The following ACVR1C variants were observed in gnomAD, a reference collection of about 807,000 sequenced individuals.
ACVR1C encodes the protein activin A receptor type 1C.
In ACVR1C, 23 loss-of-function variants were observed where a neutral mutation model predicts 57.9. That is an observed-to-expected ratio of 0.40 (90% CI 0.29 to 0.56). ACVR1C has a LOEUF of 0.56. ACVR1C is among the 20% of genes least tolerant of loss of function. The probability of loss-of-function intolerance (pLI) is 0.50; values close to 1 mark genes in which losing one functional copy is unlikely to be tolerated. For missense variants in ACVR1C, 480 were observed against 607.9 expected (o/e 0.79, Z 2.21); for synonymous variants, 214 against 215.3 (o/e 0.99, Z 0.05).
At chr2:157,616,170 C>A (rs890481208) in intron 1 of ACVR1C, among the ~76,000 whole-genome samples, 4 of 152,114 alleles carry the variant, frequency 2.6e-5, no homozygotes, top group Admixed American at 2.6e-4. Flanking sequence ...CTTGTTATTA[C>A]CCCATACCTC....
rs771081910 is a variant in ACVR1C, at chr2:157,556,288, T to G, written c.349A>C (p.Ile117Leu). 1.2e-6 allele frequency: 2 copies of G among 1,614,184 alleles called. No individual in the cohort carries two copies. The highest frequency in any genetic ancestry group is 2.7e-5 in the African/African-American group (2 of 75,036). ...PKLGPMELAI[I>L]ITVPVCLLSI... Reference sequence around the variant, plus strand: ...AGGAGGCAAACAGGCACAGTAATAATGATGGCCAGCTCCATGGGTCCAAGT... The same window carrying G: ...AGGAGGCAAACAGGCACAGTAATAAGGATGGCCAGCTCCATGGGTCCAAGT... The change falls in exon 3 of 9, where the codon ATT (isoleucine) becomes CTT (leucine). Residue 117 changes from isoleucine to leucine, a missense_variant. By Grantham distance (5) the Ile-to-Leu change is conservative (BLOSUM62 2). Transcript: ENST00000243349.
At chr2:157,566,170 T>G (rs1688369606) in intron 2 of ACVR1C, among the ~76,000 whole-genome samples, 1 of 152,216 alleles carries the variant, frequency 6.6e-6, no homozygotes, top group Non-Finnish European at 1.5e-5. Flanking sequence ...TTAGAGTTCT[T>G]TTTTTCTTAA....
intron 2 of ACVR1C, among the ~76,000 whole-genome samples, chr2:157,581,200 G>A (rs1207918878): frequency 6.6e-6 from 1 of 151,896 alleles, no homozygotes; most frequent in Non-Finnish European, 1.5e-5. Flanking sequence ...AAGACCATGA[G>A]CTCACAATAA....
intron 1 of ACVR1C, among the ~76,000 whole-genome samples, chr2:157,591,930 T>C (rs990381376): frequency 2.0e-5 from 3 of 152,058 alleles, no homozygotes; most frequent in Non-Finnish European, 4.4e-5. Flanking sequence ...CTTTCATGAC[T>C]AAGGTGCCAT....
intron 1 of ACVR1C, among the ~76,000 whole-genome samples, chr2:157,624,445 A>G (rs1405068973): frequency 6.6e-6 from 1 of 152,250 alleles, no homozygotes; most frequent in Non-Finnish European, 1.5e-5. Flanking sequence ...ATGAAAGTGT[A>G]TTCAAAAGGA....
chr2:157,551,233 C>T (rs547504023), intron 3 of ACVR1C, among the ~76,000 whole-genome samples: 9 of 152,266 alleles, frequency 5.9e-5, no homozygotes, highest in South Asian at 4.1e-4. Flanking sequence ...CACCTGTCTG[C>T]GCTTCAGCTT....
At chr2:157,626,441 TA>T (rs1391452697) in intron 1 of ACVR1C, among the ~76,000 whole-genome samples, 2 of 152,262 alleles carry the variant, frequency 1.3e-5, no homozygotes, top group African/African-American at 4.8e-5. Flanking sequence ...TGTGTTCAGA[TA>T]TTTAAAGTCG....
intron 2 of ACVR1C, among the ~76,000 whole-genome samples, chr2:157,576,132 A>C (rs938192840): frequency 1.3e-5 from 2 of 151,582 alleles, no homozygotes; most frequent in Non-Finnish European, 2.9e-5. Flanking sequence ...ATTCTGAGAA[A>C]TCCCCACATG....
intron 1 of ACVR1C, among the ~76,000 whole-genome samples, chr2:157,588,054 T>A (rs563060655): frequency 6.6e-6 from 1 of 152,042 alleles, no homozygotes; most frequent in African/African-American, 2.4e-5. Context: ...TATACTAGAA[T>A]GAATCATTTG....
chr2:157,584,464 T>C (rs1045541516), intron 2 of ACVR1C, among the ~76,000 whole-genome samples: 2 of 152,166 alleles, frequency 1.3e-5, no homozygotes, highest in African/African-American at 4.8e-5. Flanking sequence ...GATACATAAA[T>C]GATGACCAAT....
chr2:157,597,601 G>C (rs1024482451), intron 1 of ACVR1C: 2 of 982,310 alleles, frequency 2.0e-6, no homozygotes, highest in African/African-American at 1.7e-5. Flanking sequence ...GCGCACCCGG[G>C]TACCATCTAG....
At chr2:157,570,419 A>G (rs1192749978) in intron 2 of ACVR1C, among the ~76,000 whole-genome samples, 1 of 79,506 alleles carries the variant, frequency 1.3e-5, no homozygotes, top group Non-Finnish European at 2.5e-5. Flanking sequence ...AGAGGAAGTC[A>G]AATTGTCCCC....
chr2:157,574,362 G>A (rs1261149235), intron 2 of ACVR1C, among the ~76,000 whole-genome samples: 2 of 152,080 alleles, frequency 1.3e-5, no homozygotes, highest in Non-Finnish European at 2.9e-5. Context: ...ATTTTATGAG[G>A]GCACTAGTCT....
chr2:157,551,881 C>CTACA (rs748265401), intron 3 of ACVR1C, among the ~76,000 whole-genome samples: 5 of 152,174 alleles, frequency 3.3e-5, no homozygotes, highest in Non-Finnish European at 7.3e-5. Context: ...TAAGCACAGA[C>CTACA]TACAAATCTG....
intron 3 of ACVR1C, among the ~76,000 whole-genome samples, chr2:157,554,333 GAA>G (rs1353388833): frequency 3.1e-5 from 4 of 127,328 alleles, no homozygotes; most frequent in African/African-American, 1.2e-4. Context: ...AAAAGAAAGA[GAA>G]AGAGAGAAAG....
chr2:157,550,021 A>AAG (rs1687876984), intron 4 of ACVR1C, 141 bp downstream of exon 4: 1 of 759,896 alleles, frequency 1.3e-6, no homozygotes, highest in East Asian at 2.7e-5. Flanking sequence ...AAAAAAAGAA[A>AAG]GAAAAGGAAA....
At chr2:157,574,062 A>G (rs1035369077) in intron 2 of ACVR1C, among the ~76,000 whole-genome samples, 3 of 152,228 alleles carry the variant, frequency 2.0e-5, no homozygotes, top group East Asian at 3.8e-4. Flanking sequence ...GCTTCGGCCA[A>G]CTGATAGCAT....
chr2:157,557,053 C>T (rs1315981497), intron 2 of ACVR1C, among the ~76,000 whole-genome samples: 1 of 151,838 alleles, frequency 6.6e-6, no homozygotes, highest in Non-Finnish European at 1.5e-5. Context: ...ATTCCAGGTA[C>T]TGGAGATACA....
Position 157,577,021 on chromosome 2 carries a change from A to C in ACVR1C, c.304+10166T>G, listed in dbSNP as rs1348993188. 5.4e-4 allele frequency among the ~76,000 whole-genome samples: 48 copies of C among 89,442 alleles called. 12 individuals are homozygous for C. The highest frequency in any genetic ancestry group is 2.6e-3 in the Admixed American group (23 of 8,956). The allele number at this position is 89,442 out of a possible 152,430, so 58.7% of individuals were successfully genotyped here. ...AGGCGCCCGCCACCGCGCCCGGCTAATTTTTTGTATTTTTTAGTAGAGACG... is the reference window on the plus strand; with the variant it reads ...AGGCGCCCGCCACCGCGCCCGGCTACTTTTTTGTATTTTTTAGTAGAGACG... On this transcript the variant is annotated intron_variant, in intron 2 of 8. Coordinates refer to ENST00000243349, the MANE Select transcript of ACVR1C (RefSeq NM_145259.3).
Sources: allele counts gnomAD v4.1 joint callset (sites outside exome capture counted in the v4.1 genomes callset), GRCh38; gene constraint gnomAD v4.1.1; transcripts MANE v1.5; gene names NCBI Gene and HGNC (gene_info 2026-07-23, HGNC 2026-07-21).